Variants in RAB5B observed in about 807,000 individuals in gnomAD.
The protein encoded by RAB5B is ras-related protein Rab-5B.
In RAB5B, 11 loss-of-function variants were observed where a neutral mutation model predicts 28.6. The observed-to-expected ratio is 0.38, with a 90% CI of 0.24 to 0.64. RAB5B has a LOEUF of 0.64. RAB5B is among the 30% of genes least tolerant of loss of function. RAB5B has a pLI of 0.53. For synonymous variants in RAB5B, 93 were observed against 97.9 expected, an observed-to-expected ratio of 0.95 and a Z score of 0.29; for missense variants, 169 against 265.6, an observed-to-expected ratio of 0.64 and a Z score of 2.53.
chr12:55,982,505 GCTGGT>G (rs1452556025), intron 1 of RAB5B, among the ~76,000 whole-genome samples: 1 of 152,060 alleles, frequency 6.6e-6, no homozygotes, highest in Non-Finnish European at 1.5e-5. Context: ...TGTTGCCCAG[GCTGGT>G]CTCAAACTCC....
chr12:55,976,291 C>T (rs897234829), intron 1 of RAB5B, among the ~76,000 whole-genome samples: 1 of 151,960 alleles, frequency 6.6e-6, no homozygotes, highest in African/African-American at 2.4e-5. Context: ...TACAGTTTTC[C>T]CTTCTGGGAT....
chr12:55,975,659 C>T (rs1214926047), intron 1 of RAB5B, among the ~76,000 whole-genome samples: 3 of 151,678 alleles, frequency 2.0e-5, no homozygotes, highest in Non-Finnish European at 4.4e-5. Context: ...GAGTGGAGTA[C>T]CCTCCTCCCC....
rs1311543062 is a variant in RAB5B, at chr12:55,989,948, G to A, written c.165G>A (p.Ala55=). The A allele has an allele frequency of 4.3e-6, 7 of 1,611,216 alleles. No individual in the cohort carries two copies. The highest frequency in any genetic ancestry group is 1.7e-4 in the Middle Eastern group (1 of 6,048). ...TCCCCTCCATTCTCTCATCCATAGC[G>A]GCCTTCCTCACCCAGTCCGTTTGTC... ...FHEYQESTIG[A]AFLTQSVCLD... is the part of the protein sequence containing the mutation. The change falls in exon 3 of 6, where the codon GCG becomes GCA. Residue 55 remains alanine, a splice_region_variant and synonymous_variant. Transcript: ENST00000360299.
At chr12:55,979,787 A>G (rs1565785897) in intron 1 of RAB5B, among the ~76,000 whole-genome samples, 1 of 152,134 alleles carries the variant, frequency 6.6e-6, no homozygotes, top group East Asian at 1.9e-4. Flanking sequence ...TATCCAGTCT[A>G]AGCTCTCGAT....
chr12:55,977,176 T>C (rs914672536), intron 1 of RAB5B, among the ~76,000 whole-genome samples: 25 of 152,072 alleles, frequency 1.6e-4, no homozygotes, highest in Non-Finnish European at 3.7e-4. Context: ...GATTTGACCA[T>C]GTTGGCCAGG....
intron 1 of RAB5B, among the ~76,000 whole-genome samples, chr12:55,977,375 T>A (rs73338318): frequency 1.7e-3 from 266 of 152,296 alleles, no homozygotes; most frequent in African/African-American, 6.2e-3. Context: ...ATAAGGAATT[T>A]CATACATAGA....
Position 55,994,953 on chromosome 12 carries a change from A to C in RAB5B, c.*2741A>C, listed in dbSNP as rs1009868239. The C allele has an allele frequency of 2.6e-5, 4 of 152,102 alleles. No individual in the cohort carries two copies. The highest frequency in any genetic ancestry group is 7.2e-5 in the African/African-American group (3 of 41,400). 9.4% of individuals were successfully genotyped at this position (152,102 alleles called of 1,614,324 possible). On this transcript the variant is annotated 3_prime_UTR_variant, in exon 6 of 6. Transcript: ENST00000360299. ...TCTAAGGCCACTAGATTGTTCATCA[A>C]ATCAAACCCTATTATATCTTTTTAG...
intron 1 of RAB5B, among the ~76,000 whole-genome samples, chr12:55,980,280 CTTTTCTCCT>C (rs1223773837): frequency 1.3e-5 from 2 of 152,000 alleles, no homozygotes; most frequent in East Asian, 1.9e-4. Context: ...CTGCTTTTCC[CTTTTCTCCT>C]TTTTCTCCTC....
At chr12:55,989,724 C>T (rs1194263897) in intron 2 of RAB5B, among the ~76,000 whole-genome samples, 2 of 152,230 alleles carry the variant, frequency 1.3e-5, no homozygotes, top group African/African-American at 4.8e-5. Flanking sequence ...TACCCCCATT[C>T]CTTAGCTAGT....
intron 5 of RAB5B, 81 bp downstream of exon 5, chr12:55,991,534 G>A: frequency 8.4e-7 from 1 of 1,194,372 alleles, no homozygotes; most frequent in South Asian, 1.3e-5. Flanking sequence ...AAGGATAGGT[G>A]CGAGTATCTC....
intron 1 of RAB5B, among the ~76,000 whole-genome samples, chr12:55,977,628 A>G (rs562651384): frequency 3.3e-5 from 5 of 152,224 alleles, no homozygotes; most frequent in Non-Finnish European, 7.3e-5. Context: ...AGCATTTCAG[A>G]TTGGAAGGTA....
chr12:55,991,569 A>T, intron 5 of RAB5B, 116 bp downstream of exon 5: 1 of 754,724 alleles, frequency 1.3e-6, no homozygotes, highest in Non-Finnish European at 2.3e-6. Context: ...TTAGGTATGG[A>T]AATACCTTAA....
intron 1 of RAB5B, chr12:55,980,876 T>C (rs951927329): frequency 1.2e-6 from 2 of 1,611,638 alleles, no homozygotes; most frequent in Non-Finnish European, 1.7e-6. Context: ...CTTCTTCCCC[T>C]CTATATCCAC....
intron 5 of RAB5B, 84 bp downstream of exon 5, chr12:55,991,537 A>G: frequency 8.6e-7 from 1 of 1,161,356 alleles, no homozygotes; most frequent in South Asian, 1.3e-5. Context: ...GATAGGTGCG[A>G]GTATCTCCTT....
At position 55,988,506 on chromosome 12, in the gene RAB5B, T is replaced by G. The variant is rs570839119; in HGVS notation, c.163+1383T>G. The stretch of plus-strand genomic sequence containing the variant: ...TATTCCTTCCCCTTGTTATTTTTAT[T>G]TATTTATTTATTTATTTTTGAGACG... On this transcript the variant is annotated intron_variant, in intron 2 of 5. Transcript: ENST00000360299. Among the ~76,000 whole-genome samples the G allele has an allele frequency of 2.0e-5, 3 of 152,250 alleles. No homozygotes were observed. The South Asian group carries it at 6.2e-4, about 32-fold the overall frequency.
chr12:55,990,962 G>A (rs1273818261), intron 4 of RAB5B, 158 bp downstream of exon 4: 8 of 958,942 alleles, frequency 8.3e-6, no homozygotes, highest in African/African-American at 3.3e-5. Context: ...TGACCCTAAT[G>A]ACAGCCAGGA....
At chr12:55,986,310 G>C (rs1889949368) in intron 1 of RAB5B, among the ~76,000 whole-genome samples, 2 of 152,316 alleles carry the variant, frequency 1.3e-5, no homozygotes, top group South Asian at 4.1e-4. Context: ...AGCCAGGCGT[G>C]GTGGTGCATG....
At position 55,990,091 on chromosome 12, in the gene RAB5B, C is replaced by G. The variant is rs1890064758; in HGVS notation, c.308C>G (p.Thr103Ser). 1 of 1,613,278 alleles carries G rather than the reference C, an allele frequency of 6.2e-7. No individual in the cohort carries two copies. Among genetic ancestry groups the G allele is most frequent in the Non-Finnish European group, 8.5e-7 (1 of 1,179,620 alleles). Reference protein sequence around the residue: ...AQAAIVVYDITNQETFARAKT... With the variant: ...AQAAIVVYDISNQETFARAKT... The stretch of plus-strand genomic sequence containing the variant: ...GCTGCAATCGTGGTTTACGACATTA[C>G]TAATCAGGTAAGTGAGCTAAGAAGA... Residue 103 changes from threonine (T) to serine (S), a missense_variant, in exon 3 of 6, where the codon ACT becomes AGT. Transcript: ENST00000360299.
At chr12:55,988,779 A>G (rs1331124527) in intron 2 of RAB5B, among the ~76,000 whole-genome samples, 1 of 151,890 alleles carries the variant, frequency 6.6e-6, no homozygotes, top group Admixed American at 6.6e-5. Flanking sequence ...CTGGGATTAC[A>G]AGCATGAGCC....
Sources: allele counts gnomAD v4.1 joint callset (sites outside exome capture counted in the v4.1 genomes callset), GRCh38; gene constraint gnomAD v4.1.1; transcripts MANE v1.5; gene names NCBI Gene and HGNC (gene_info 2026-07-23, HGNC 2026-07-21).